PMM2: variants seen among roughly 807,000 people sequenced by gnomAD.
PMM2 encodes the protein mannose-6-phosphate isomerase.
A neutral mutation model predicts 33.2 loss-of-function variants in PMM2; 35 were observed. That is an observed-to-expected ratio of 1.06 (90% CI 0.81 to 1.40). The LOEUF is 1.40. Among genes scored for constraint, PMM2 ranks in the 40% most tolerant of loss-of-function variants. The pLI is 0.00. For synonymous variants in PMM2, 153 were observed against 114.7 expected, an observed-to-expected ratio of 1.33 and a Z score of -2.13; for missense variants, 386 against 306.0, an observed-to-expected ratio of 1.26 and a Z score of -1.95.
chr16:8,838,572 G>A (rs1360335617), intron 7 of PMM2, among the ~76,000 whole-genome samples: 1 of 151,942 alleles, frequency 6.6e-6, no homozygotes, highest in African/African-American at 2.4e-5. Flanking sequence ...GCTGAAGGGA[G>A]GTCTTGTGGT....
intron 5 of PMM2, 34 bp downstream of exon 5, chr16:8,811,212 T>C: frequency 7.5e-7 from 1 of 1,325,618 alleles, no homozygotes; most frequent in Non-Finnish European, 1.1e-6. Context: ...GGTGAATGGC[T>C]GGGTTTATGG....
intron 7 of PMM2, among the ~76,000 whole-genome samples, chr16:8,827,955 T>C (rs868428762): frequency 9.7e-6 from 1 of 102,910 alleles, no homozygotes; most frequent in Non-Finnish European, 1.9e-5. Context: ...ATATATATAT[T>C]TATAAATTTA....
chr16:8,811,757 C>A (rs1404143279), intron 6 of PMM2, 44 bp downstream of exon 6: 1 of 1,344,422 alleles, frequency 7.4e-7, no homozygotes, highest in Admixed American at 1.7e-5. Context: ...ATACCCATTT[C>A]CCAGAGTTTG....
At chr16:8,810,781 T>C (rs541328132) in intron 4 of PMM2, 11 of 418,448 alleles carry the variant, frequency 2.6e-5, no homozygotes, top group African/African-American at 1.8e-4. Flanking sequence ...TTCGCCATGT[T>C]GTCCAGGCTC....
At chr16:8,837,872 C>G (rs900413505) in intron 7 of PMM2, among the ~76,000 whole-genome samples, 2 of 152,098 alleles carry the variant, frequency 1.3e-5, no homozygotes, top group African/African-American at 4.8e-5. Flanking sequence ...TTCCCAGTCT[C>G]TGACCGGCGC....
At chr16:8,810,149 A>G (rs1021744472) in intron 4 of PMM2, 1 of 152,240 alleles carries the variant, frequency 6.6e-6, no homozygotes, top group African/African-American at 2.4e-5. Context: ...TGAAGTGACT[A>G]AACTAATGTT....
chr16:8,818,653 G>A (rs1171089411), intron 7 of PMM2, among the ~76,000 whole-genome samples: 2 of 152,216 alleles, frequency 1.3e-5, no homozygotes, highest in African/African-American at 2.4e-5. Flanking sequence ...CCTCCAGGAG[G>A]CAGAGTCTGG....
At chr16:8,843,776 G>T (rs1056289937) in intron 7 of PMM2, among the ~76,000 whole-genome samples, 1 of 152,242 alleles carries the variant, frequency 6.6e-6, no homozygotes, top group African/African-American at 2.4e-5. Flanking sequence ...GAGCAGATTG[G>T]GTAATAAAAT....
intron 2 of PMM2, among the ~76,000 whole-genome samples, chr16:8,803,751 T>TTGGC (rs1352619709): frequency 1.3e-5 from 2 of 152,150 alleles, no homozygotes; most frequent in African/African-American, 4.8e-5. Context: ...TGGCACAATC[T>TTGGC]TGGCTCACTG....
intron 2 of PMM2, 52 bp from the exon 3 acceptor site, chr16:8,804,715 A>T: frequency 7.8e-7 from 1 of 1,284,450 alleles, no homozygotes; most frequent in Non-Finnish European, 1.1e-6. Flanking sequence ...AGGAGTAAAA[A>T]CACAGGTTTT....
intron 7 of PMM2, chr16:8,832,094 T>C: frequency 1.0e-6 from 1 of 968,978 alleles, no homozygotes; most frequent in Non-Finnish European, 1.2e-6. Flanking sequence ...TTCATTTCAT[T>C]TGGGGTCCGC....
chr16:8,817,720 A>T (rs1021628530), intron 7 of PMM2, among the ~76,000 whole-genome samples: 3 of 152,300 alleles, frequency 2.0e-5, no homozygotes, highest in Admixed American at 6.5e-5. Flanking sequence ...CTGTGCATTC[A>T]TTATAGAAAA....
chr16:8,805,904 T>C (rs1303386923), intron 3 of PMM2, among the ~76,000 whole-genome samples: 2 of 152,224 alleles, frequency 1.3e-5, no homozygotes, highest in Admixed American at 1.3e-4. Flanking sequence ...TAAGCATTTT[T>C]AAGAGGTACT....
At chr16:8,813,157 G>T (rs1596489970) in intron 7 of PMM2, 51 bp downstream of exon 7, 3 of 1,167,028 alleles carry the variant, frequency 2.6e-6, no homozygotes, top group Non-Finnish European at 2.6e-6. Context: ...GCGCTTGATG[G>T]GGGAAATTGA....
chr16:8,842,439 G>C (rs1353810421), intron 7 of PMM2: 2 of 152,246 alleles, frequency 1.3e-5, no homozygotes, highest in Non-Finnish European at 2.9e-5. Context: ...CTGAAGTAAT[G>C]AGGGCTGTCC....
chr16:8,845,130 C>T lies in PMM2; in HGVS notation c.640-2594C>T, dbSNP rs1017219963. Among the ~76,000 whole-genome samples, 12 of 152,150 alleles carry T rather than the reference C, an allele frequency of 7.9e-5. 1 individual carries two copies. The highest frequency in any genetic ancestry group is 1.2e-4 in the Non-Finnish European group (8 of 68,036). On this transcript the variant is annotated intron_variant, in intron 7 of 7. Transcript: ENST00000268261. ...GGCGGGCTGAGTCCGAAAAGAGAGTCGGCAAAGGGTGGTGGATTATCATTA... is the reference window on the plus strand; with the variant it reads ...GGCGGGCTGAGTCCGAAAAGAGAGTTGGCAAAGGGTGGTGGATTATCATTA...
chr16:8,834,132 T>C (rs1366623366), intron 7 of PMM2, among the ~76,000 whole-genome samples: 1 of 152,158 alleles, frequency 6.6e-6, no homozygotes, highest in East Asian at 1.9e-4. Context: ...GGGCTGTACC[T>C]TGTAGCATTC....
At chr16:8,806,526 A>G (rs1413925228) in intron 4 of PMM2, 119 bp downstream of exon 4, 2 of 753,962 alleles carry the variant, frequency 2.7e-6, no homozygotes, top group African/African-American at 3.5e-5. Context: ...TTAAAAACAA[A>G]GTCTGATATT....
chr16:8,804,963 T>G, intron 3 of PMM2, 120 bp downstream of exon 3: 1 of 699,190 alleles, frequency 1.4e-6, no homozygotes, highest in Non-Finnish European at 2.5e-6. Context: ...TACTCTGTAT[T>G]TTTTGTTTTG....
Sources: allele counts gnomAD v4.1 joint callset (sites outside exome capture counted in the v4.1 genomes callset), GRCh38; gene constraint gnomAD v4.1.1; transcripts MANE v1.5; gene names NCBI Gene and HGNC (gene_info 2026-07-23, HGNC 2026-07-21).